Variants in FER1L6 observed in about 807,000 individuals in gnomAD.
FER1L6 encodes the protein fer-1-like protein 6.
A neutral mutation model predicts 219.2 loss-of-function variants in FER1L6; 177 were observed. The observed-to-expected ratio is 0.81, with a 90% confidence interval of 0.71 to 0.91. FER1L6 has a LOEUF of 0.91. FER1L6 is among the 40% of genes least tolerant of loss of function. The pLI is 0.00. For missense variants in FER1L6, 2,153 were observed against 2,259.9 expected (o/e 0.95, Z 0.96); for synonymous variants, 768 against 824.3 (o/e 0.93, Z 1.17).
intron 32 of FER1L6, among the ~76,000 whole-genome samples, chr8:124,080,721 T>A (rs1821508056): frequency 2.0e-5 from 3 of 152,136 alleles, no homozygotes; most frequent in Middle Eastern, 3.2e-3. Flanking sequence ...AAGTCTTCTG[T>A]CATGGTTGCC....
intron 7 of FER1L6, among the ~76,000 whole-genome samples, chr8:123,974,726 A>G (rs908079081): frequency 1.1e-4 from 17 of 151,460 alleles, no homozygotes; most frequent in African/African-American, 4.1e-4. Context: ...TTTTTAAAGA[A>G]AAGCCGGAAG....
intron 15 of FER1L6, 53 bp from the exon 16 acceptor site, chr8:124,017,575 T>C (rs899986725): frequency 3.6e-6 from 5 of 1,370,584 alleles, no homozygotes; most frequent in South Asian, 2.4e-5. Flanking sequence ...TCTGGAATTA[T>C]ATAAATGGAT....
At chr8:123,910,929 A>T (rs530916223) in intron 1 of FER1L6, among the ~76,000 whole-genome samples, 3 of 152,256 alleles carry the variant, frequency 2.0e-5, no homozygotes, top group Admixed American at 6.5e-5. Context: ...CAGAAGTTTA[A>T]CCTGAAGTCC....
At chr8:123,855,023 G>A (rs1816606221) in intron 1 of FER1L6, among the ~76,000 whole-genome samples, 1 of 152,144 alleles carries the variant, frequency 6.6e-6, no homozygotes, top group African/African-American at 2.4e-5. Context: ...TAGCTCCAAA[G>A]GAGACCCTAT....
intron 1 of FER1L6, among the ~76,000 whole-genome samples, chr8:123,886,009 A>G (rs1001713021): frequency 4.6e-5 from 7 of 152,146 alleles, no homozygotes; most frequent in African/African-American, 1.4e-4. Flanking sequence ...ATACTTCTTC[A>G]CATGAGTAAA....
At chr8:123,899,682 G>A (rs1424549810) in intron 1 of FER1L6, among the ~76,000 whole-genome samples, 1 of 152,080 alleles carries the variant, frequency 6.6e-6, no homozygotes, top group Non-Finnish European at 1.5e-5. Flanking sequence ...TTTTGTATAA[G>A]GTGAGAGATG....
chr8:123,859,960 A>T (rs1205375087), intron 1 of FER1L6, among the ~76,000 whole-genome samples: 1 of 131,080 alleles, frequency 7.6e-6, no homozygotes, highest in Non-Finnish European at 1.7e-5. Flanking sequence ...TATTTTTATT[A>T]TTATTATTAC....
intron 2 of FER1L6, 136 bp downstream of exon 2, chr8:123,956,210 C>A: frequency 1.3e-6 from 1 of 797,592 alleles, no homozygotes; most frequent in Non-Finnish European, 2.1e-6. Context: ...CCTTTAGGTC[C>A]TTCTAGTCAC....
intron 27 of FER1L6, 148 bp from the exon 28 acceptor site, chr8:124,067,619 C>T (rs944639849): frequency 1.7e-5 from 12 of 694,386 alleles, no homozygotes; most frequent in Admixed American, 7.9e-5. Context: ...CTTTACAGTG[C>T]GGCTTCATTT....
rs751033789 is a variant in FER1L6, at chr8:123,963,337, G to A, written c.136G>A (p.Gly46Arg). 8 of 1,614,148 alleles carry A rather than the reference G, an allele frequency of 5.0e-6. No homozygotes were observed. Among genetic ancestry groups the A allele is most frequent in the Non-Finnish European group, 8.5e-7 (1 of 1,179,982 alleles). Residue 46 changes from glycine (G) to arginine (R), a missense_variant, in exon 3 of 41, where the codon GGA becomes AGA. Physicochemically the swap from Gly to Arg is moderately radical, Grantham distance 125 (BLOSUM62 -2). Coordinates refer to ENST00000522917, the MANE Select transcript of FER1L6 (RefSeq NM_001039112.2). ...EEPSHQEGPR[G>R]DLVHDDASIF... ...GCCTTCTCACCAGGAAGGACCGAGAGGAGATTTGGTCCATGATGATGCTTC... is the reference window on the plus strand; with the variant it reads ...GCCTTCTCACCAGGAAGGACCGAGAAGAGATTTGGTCCATGATGATGCTTC...
intron 1 of FER1L6, among the ~76,000 whole-genome samples, chr8:123,902,787 T>C (rs1417787472): frequency 1.3e-5 from 2 of 152,334 alleles, no homozygotes; most frequent in East Asian, 1.9e-4. Flanking sequence ...CATTCAATGT[T>C]AGTATTGAAA....
intron 17 of FER1L6, 70 bp downstream of exon 17, chr8:124,021,739 T>A: frequency 6.4e-7 from 1 of 1,569,178 alleles, no homozygotes; most frequent in South Asian, 1.1e-5. Context: ...GTTTGAATGG[T>A]TGGTACGGGT....
At position 123,975,967 on chromosome 8, in the gene FER1L6, A is replaced by G. The variant is rs1816051563; in HGVS notation, c.753A>G (p.Lys251=). The G allele has an allele frequency of 1.9e-6, 3 of 1,614,072 alleles. No individual in the cohort carries two copies. Among genetic ancestry groups the G allele is most frequent in the Non-Finnish European group, 2.5e-6 (3 of 1,179,974 alleles). ...CCAGATTCTATGTGAGACTCTACAAAGCAGAAGGGTTGCCCAAAATGAATT... is the reference window on the plus strand; with the variant it reads ...CCAGATTCTATGTGAGACTCTACAAGGCAGAAGGGTTGCCCAAAATGAATT... ...PWARFYVRLY[K]AEGLPKMNSS... Residue 251 remains lysine, a synonymous_variant, in exon 9 of 41, where the codon AAA becomes AAG. Coordinates refer to ENST00000522917, the MANE Select transcript of FER1L6 (RefSeq NM_001039112.2).
intron 1 of FER1L6, among the ~76,000 whole-genome samples, chr8:123,934,113 A>G (rs956513701): frequency 1.3e-5 from 2 of 152,156 alleles, no homozygotes; most frequent in Non-Finnish European, 2.9e-5. Flanking sequence ...ATACTATACT[A>G]TTGATACTTT....
intron 1 of FER1L6, among the ~76,000 whole-genome samples, chr8:123,933,616 G>A (rs1813869305): frequency 6.6e-6 from 1 of 152,162 alleles, no homozygotes; most frequent in Admixed American, 6.5e-5. Flanking sequence ...ATTGAATAAG[G>A]CAAGATTTTA....
chr8:123,974,839 G>A (rs934943007), intron 7 of FER1L6, among the ~76,000 whole-genome samples: 1 of 151,922 alleles, frequency 6.6e-6, no homozygotes, highest in Non-Finnish European at 1.5e-5. Flanking sequence ...ATACGTATGT[G>A]ACTTCTACAC....
At chr8:123,969,636 G>A (rs1815705290) in intron 5 of FER1L6, among the ~76,000 whole-genome samples, 1 of 152,004 alleles carries the variant, frequency 6.6e-6, no homozygotes, top group Non-Finnish European at 1.5e-5. Flanking sequence ...GCAAGAATGT[G>A]ATTGATAGCA....
chr8:124,068,770 G>A (rs756941450), intron 28 of FER1L6, among the ~76,000 whole-genome samples: 1 of 152,178 alleles, frequency 6.6e-6, no homozygotes. Flanking sequence ...CCATAGATTA[G>A]GGCCATTGCC....
At chr8:124,069,295 G>A (rs1038167401) in intron 28 of FER1L6, 65 bp from the exon 29 acceptor site, 3 of 1,179,012 alleles carry the variant, frequency 2.5e-6, no homozygotes, top group Non-Finnish European at 3.8e-6. Context: ...GAAAGAAGGA[G>A]CTTGGCTTTG....
Sources: gnomAD v4.1 joint callset for allele counts (sites outside exome capture counted in the v4.1 genomes callset) on GRCh38, gnomAD v4.1.1 for gene constraint, MANE v1.5 for transcripts, NCBI Gene and HGNC (gene_info 2026-07-23, HGNC 2026-07-21) for gene names.